DTNB: variants seen among roughly 807,000 people sequenced by gnomAD.
DTNB encodes the protein dystrobrevin beta.
Under a neutral mutation model 90.7 loss-of-function variants are expected in DTNB, and 63 were observed. That is an observed-to-expected ratio of 0.69 (90% CI 0.57 to 0.86). The LOEUF is 0.86. DTNB is among the 40% of genes least tolerant of loss of function. The probability of loss-of-function intolerance (pLI) is 0.00; values close to 1 mark genes in which losing one functional copy is unlikely to be tolerated. For missense variants in DTNB, 744 were observed against 807.1 expected (o/e 0.92, Z 0.95); for synonymous variants, 277 against 286.7 (o/e 0.97, Z 0.34).
chr2:25,454,780 A>C (rs898754703), intron 11 of DTNB, among the ~76,000 whole-genome samples: 3 of 152,238 alleles, frequency 2.0e-5, no homozygotes, highest in Admixed American at 6.5e-5. Flanking sequence ...CTACCGCAGT[A>C]GTTTTCAGGG....
chr2:25,403,517 G>A (rs906698935), intron 16 of DTNB, among the ~76,000 whole-genome samples: 1 of 152,138 alleles, frequency 6.6e-6, no homozygotes, highest in East Asian at 1.9e-4. Flanking sequence ...AATGAATGCT[G>A]AACACTCAGA....
At chr2:25,389,857 TG>T (rs60448323) in intron 16 of DTNB, among the ~76,000 whole-genome samples, 24,265 of 148,950 alleles carry the variant, frequency 0.16, 2,211 homozygotes, top group African/African-American at 0.26. Context: ...TGTGTGTGTG[TG>T]TGTGTGTGTG....
intron 4 of DTNB, among the ~76,000 whole-genome samples, chr2:25,612,483 A>G (rs1573409607): frequency 6.6e-6 from 1 of 152,124 alleles, no homozygotes; most frequent in Admixed American, 6.5e-5. Context: ...AGAAAAGAAG[A>G]AGGTTCTCAA....
At chr2:25,490,944 TGGAATTATG>T (rs376341812) in intron 9 of DTNB, among the ~76,000 whole-genome samples, 109 of 152,002 alleles carry the variant, frequency 7.2e-4, no homozygotes, top group Non-Finnish European at 9.6e-4. Flanking sequence ...TTAAGATAAG[TGGAATTATG>T]GGAATTATGG....
At chr2:25,643,964 G>C (rs112748350) in intron 2 of DTNB, among the ~76,000 whole-genome samples, 3 of 152,162 alleles carry the variant, frequency 2.0e-5, no homozygotes, top group African/African-American at 7.2e-5. Context: ...AACCAAGATG[G>C]TGACAAGAGT....
intron 16 of DTNB, among the ~76,000 whole-genome samples, chr2:25,404,624 G>A (rs1329910139): frequency 6.6e-6 from 1 of 152,170 alleles, no homozygotes; most frequent in Non-Finnish European, 1.5e-5. Flanking sequence ...GGAGGCTGAG[G>A]TGGGTGGATC....
chr2:25,554,067 G>A (rs2056860103), intron 8 of DTNB, among the ~76,000 whole-genome samples: 1 of 152,098 alleles, frequency 6.6e-6, no homozygotes, highest in Non-Finnish European at 1.5e-5. Context: ...GGGCTAAGAA[G>A]GGTATCCTTG....
intron 4 of DTNB, among the ~76,000 whole-genome samples, chr2:25,614,891 G>C (rs968506396): frequency 1.1e-4 from 17 of 152,300 alleles, no homozygotes; most frequent in African/African-American, 4.1e-4. Flanking sequence ...ACAGCTGGAT[G>C]TCTATAATCT....
At chr2:25,454,648 C>T (rs771085795) in intron 11 of DTNB, among the ~76,000 whole-genome samples, 1 of 152,110 alleles carries the variant, frequency 6.6e-6, no homozygotes, top group Non-Finnish European at 1.5e-5. Context: ...AGTAATACCA[C>T]TTTTTTCGGT....
intron 19 of DTNB, among the ~76,000 whole-genome samples, chr2:25,383,213 CTTTT>C (rs34341817): frequency 3.7e-5 from 4 of 108,022 alleles, no homozygotes; most frequent in Admixed American, 9.1e-5. Context: ...CATTTTTGGT[CTTTT>C]TTTTTTTTTT....
At chr2:25,550,840 G>A (rs1333033985) in intron 8 of DTNB, among the ~76,000 whole-genome samples, 2 of 152,112 alleles carry the variant, frequency 1.3e-5, no homozygotes, top group Admixed American at 1.3e-4. Flanking sequence ...AGTAGAGATG[G>A]GGTTTCACCA....
At chr2:25,443,711 G>A (rs930913644) in intron 12 of DTNB, among the ~76,000 whole-genome samples, 3 of 152,196 alleles carry the variant, frequency 2.0e-5, no homozygotes, top group Non-Finnish European at 4.4e-5. Flanking sequence ...CAAGCTCACC[G>A]TAAATCAGAA....
intron 9 of DTNB, among the ~76,000 whole-genome samples, chr2:25,513,807 A>G (rs898604380): frequency 6.6e-6 from 1 of 151,926 alleles, no homozygotes; most frequent in African/African-American, 2.4e-5. Flanking sequence ...TGACACACTG[A>G]TATCATTTAA....
chr2:25,667,110 A>G (rs528499306), intron 1 of DTNB, among the ~76,000 whole-genome samples: 2 of 152,072 alleles, frequency 1.3e-5, no homozygotes, highest in East Asian at 3.9e-4. Context: ...ATCACCACAC[A>G]GAGGACAGTG....
At chr2:25,569,452 C>T (rs1253249815) in intron 8 of DTNB, among the ~76,000 whole-genome samples, 1 of 152,144 alleles carries the variant, frequency 6.6e-6, no homozygotes, top group East Asian at 1.9e-4. Context: ...CTCTCTGACC[C>T]TCACTCACTC....
intron 9 of DTNB, among the ~76,000 whole-genome samples, chr2:25,499,300 G>A (rs996592847): frequency 6.6e-5 from 10 of 152,194 alleles, no homozygotes; most frequent in African/African-American, 1.9e-4. Flanking sequence ...GATACTAAGT[G>A]GATTATGTGA....
intron 6 of DTNB, among the ~76,000 whole-genome samples, chr2:25,584,620 G>A (rs2062071189): frequency 6.6e-6 from 1 of 151,284 alleles, no homozygotes; most frequent in Admixed American, 6.6e-5. Flanking sequence ...GCAGTGGCTC[G>A]ATTTTGACTC....
At chr2:25,584,958 G>A (rs1057162997) in intron 6 of DTNB, among the ~76,000 whole-genome samples, 1 of 152,128 alleles carries the variant, frequency 6.6e-6, no homozygotes, top group African/African-American at 2.4e-5. Flanking sequence ...GAAGTCCTGA[G>A]ACCAAAAATT....
chr2:25,524,457 G>C (rs2150837629), intron 9 of DTNB, among the ~76,000 whole-genome samples: 1 of 141,446 alleles, frequency 7.1e-6, no homozygotes, highest in East Asian at 2.1e-4. Flanking sequence ...TTCTTGGCTT[G>C]GGAGTAATTC....
Sources: allele counts gnomAD v4.1 joint callset (sites outside exome capture counted in the v4.1 genomes callset), GRCh38; gene constraint gnomAD v4.1.1; transcripts MANE v1.5; gene names NCBI Gene and HGNC (gene_info 2026-07-23, HGNC 2026-07-21).